Variants in ERC2 observed in about 807,000 individuals in gnomAD.
ERC2 encodes ELKS/RAB6-interacting/CAST family member 2, also known as ERC protein 2.
Under a neutral mutation model 114.8 loss-of-function variants are expected in ERC2, and 42 were observed. That is an observed-to-expected ratio of 0.37 (90% CI 0.29 to 0.47). The LOEUF is 0.47. Ranked by LOEUF, ERC2 falls within the 20% of genes least tolerant of loss-of-function variation. ERC2 has a pLI of 0.99. For missense variants in ERC2, 939 were observed against 1,150.7 expected, an observed-to-expected ratio of 0.82 and a Z score of 2.66; for synonymous variants, 454 against 425.5, an observed-to-expected ratio of 1.07 and a Z score of -0.82.
chr3:56,190,240 T>C (rs1350721898), intron 3 of ERC2, among the ~76,000 whole-genome samples: 1 of 152,190 alleles, frequency 6.6e-6, no homozygotes, highest in East Asian at 1.9e-4. Context: ...AAACCTCTTC[T>C]TGCTCTGCCA....
intron 16 of ERC2, among the ~76,000 whole-genome samples, chr3:55,695,682 G>A (rs561322353): frequency 2.0e-5 from 3 of 152,216 alleles, no homozygotes; most frequent in East Asian, 1.9e-4. Flanking sequence ...TTCCATTTTC[G>A]GTTGTGCAAA....
At chr3:56,026,302 G>A (rs9311592) in intron 7 of ERC2, among the ~76,000 whole-genome samples, 116,327 of 152,060 alleles carry the variant, frequency 0.77, 45,250 homozygotes, top group South Asian at 0.85. Flanking sequence ...TGCCTGCCTC[G>A]GCCTCCCAAA....
At chr3:56,355,141 G>A (rs191044313) in intron 2 of ERC2, among the ~76,000 whole-genome samples, 117 of 152,244 alleles carry the variant, frequency 7.7e-4, no homozygotes, top group African/African-American at 2.7e-3. Flanking sequence ...TGTGAGTGAA[G>A]AGAACATTGT....
intron 15 of ERC2, among the ~76,000 whole-genome samples, chr3:55,708,425 C>CAT (rs2063597941): frequency 6.6e-6 from 1 of 152,208 alleles, no homozygotes; most frequent in African/African-American, 2.4e-5. Flanking sequence ...TTAATTAAGT[C>CAT]GTGGGCAGCA....
At chr3:55,997,284 A>G (rs1576498962) in intron 10 of ERC2, among the ~76,000 whole-genome samples, 1 of 73,560 alleles carries the variant, frequency 1.4e-5, no homozygotes, top group Middle Eastern at 0.011. Flanking sequence ...GGCAGTGTAG[A>G]AATATGATTT....
rs374312228 is a variant in ERC2, at chr3:56,012,144, A to G, written c.1780-1555T>C. 2.3e-3 allele frequency among the ~76,000 whole-genome samples: 350 copies of G among 152,286 alleles called. 1 individual carries two copies. The South Asian group carries it at 0.028, about 12-fold the overall frequency. On this transcript the variant is annotated intron_variant, in intron 8 of 17. Transcript: ENST00000288221. ...TGAGTGGATGACTATGTGATCCACA[A>G]GAGAAGGAAATGGCCACAGTACATG...
At chr3:55,568,530 T>C (rs977690746) in intron 17 of ERC2, among the ~76,000 whole-genome samples, 18 of 152,244 alleles carry the variant, frequency 1.2e-4, no homozygotes, top group Non-Finnish European at 2.4e-4. Context: ...CTTTCCTTCA[T>C]GTTCCACATC....
chr3:55,975,846 T>C (rs1334622106), intron 12 of ERC2, among the ~76,000 whole-genome samples: 1 of 152,190 alleles, frequency 6.6e-6, no homozygotes, highest in East Asian at 1.9e-4. Flanking sequence ...TCTCTTGCCA[T>C]TGCTTAGGCT....
chr3:55,781,876 G>GA (rs532360945), intron 14 of ERC2, among the ~76,000 whole-genome samples: 5,882 of 81,128 alleles, frequency 0.073, 163 homozygotes, highest in South Asian at 0.13. Context: ...CAGCCTCACA[G>GA]AAAAAAAAAA....
At chr3:55,641,190 G>A (rs754513398) in intron 17 of ERC2, among the ~76,000 whole-genome samples, 7 of 152,130 alleles carry the variant, frequency 4.6e-5, no homozygotes, top group Non-Finnish European at 8.8e-5. Context: ...GAGACCCAAT[G>A]CCATTGTTTT....
intron 7 of ERC2, among the ~76,000 whole-genome samples, chr3:56,070,071 A>G (rs1402331708): frequency 2.6e-5 from 4 of 152,246 alleles, no homozygotes; most frequent in African/African-American, 7.2e-5. Context: ...GGTATTATAG[A>G]CATTTTGAAT....
At chr3:55,986,457 T>A (rs2070644154) in intron 11 of ERC2, among the ~76,000 whole-genome samples, 1 of 152,224 alleles carries the variant, frequency 6.6e-6, no homozygotes, top group African/African-American at 2.4e-5. Flanking sequence ...GATGGTTATA[T>A]CCTATGAGAT....
chr3:55,604,064 A>G (rs1300835657), intron 17 of ERC2, among the ~76,000 whole-genome samples: 1 of 152,196 alleles, frequency 6.6e-6, no homozygotes, highest in Non-Finnish European at 1.5e-5. Context: ...ATGAAAATAT[A>G]TTACACTAAG....
At chr3:55,842,462 T>C (rs1279412697) in intron 14 of ERC2, among the ~76,000 whole-genome samples, 1 of 152,066 alleles carries the variant, frequency 6.6e-6, no homozygotes, top group Admixed American at 6.5e-5. Flanking sequence ...AGTGGAGGGG[T>C]TCTGCTATTC....
intron 3 of ERC2, 105 bp downstream of exon 3, chr3:56,295,914 G>T: frequency 7.9e-7 from 1 of 1,264,566 alleles, no homozygotes; most frequent in Non-Finnish European, 1.1e-6. Flanking sequence ...ATGACAAAGG[G>T]AATTTTGTTA....
chr3:55,707,127 ATTATG>A (rs2063533879), intron 15 of ERC2, among the ~76,000 whole-genome samples: 1 of 152,124 alleles, frequency 6.6e-6, no homozygotes, highest in Non-Finnish European at 1.5e-5. Context: ...GGGGAGGGAA[ATTATG>A]TTGCTAAGTT....
chr3:56,138,239 T>C (rs2080637828), intron 6 of ERC2, among the ~76,000 whole-genome samples: 1 of 152,064 alleles, frequency 6.6e-6, no homozygotes, highest in Non-Finnish European at 1.5e-5. Context: ...TTCTGTATTT[T>C]TTAGTAGAGA....
At chr3:55,607,634 T>A (rs1431181424) in intron 17 of ERC2, among the ~76,000 whole-genome samples, 4 of 134,648 alleles carry the variant, frequency 3.0e-5, no homozygotes, top group African/African-American at 2.7e-5. Context: ...TTTTTTTCTA[T>A]AAGAAGAGAG....
intron 13 of ERC2, among the ~76,000 whole-genome samples, chr3:55,897,517 G>A (rs890239006): frequency 1.2e-4 from 19 of 152,158 alleles, no homozygotes; most frequent in African/African-American, 4.6e-4. Flanking sequence ...CCAGAACACA[G>A]AACCAATGAA....
Sources: allele counts gnomAD v4.1 joint callset (sites outside exome capture counted in the v4.1 genomes callset), GRCh38; gene constraint gnomAD v4.1.1; transcripts MANE v1.5; gene names NCBI Gene and HGNC (gene_info 2026-07-23, HGNC 2026-07-21).